Variants in LRMDA observed in about 807,000 individuals in gnomAD.
The protein encoded by LRMDA is leucine rich melanocyte differentiation associated, also known as leucine-rich melanocyte differentiation-associated protein.
Under a neutral mutation model 29.8 loss-of-function variants are expected in LRMDA, and 18 were observed. The observed-to-expected ratio is 0.60, with a 90% CI of 0.42 to 0.90. The LOEUF (loss-of-function observed/expected upper bound fraction) is 0.90, where lower values mean the gene tolerates loss of function less well. Ranked by LOEUF, LRMDA falls within the 40% of genes least tolerant of loss-of-function variation. The probability of loss-of-function intolerance (pLI) is 0.00; values close to 1 mark genes in which losing one functional copy is unlikely to be tolerated. For missense variants in LRMDA, 273 were observed against 273.9 expected (o/e 1.00, Z 0.02); for synonymous variants, 125 against 109.4 (o/e 1.14, Z -0.89).
chr10:75,880,745 T>C (rs1398147409), intron 2 of LRMDA, among the ~76,000 whole-genome samples: 3 of 152,230 alleles, frequency 2.0e-5, no homozygotes, highest in Non-Finnish European at 2.9e-5. Flanking sequence ...TTATGCTCTG[T>C]ATTTTGCTGC....
intron 2 of LRMDA, among the ~76,000 whole-genome samples, chr10:75,907,719 A>G (rs1812401496): frequency 6.6e-6 from 1 of 152,212 alleles, no homozygotes; most frequent in African/African-American, 2.4e-5. Context: ...GGGCGAAATC[A>G]TCACAGTGGC....
intron 6 of LRMDA, among the ~76,000 whole-genome samples, chr10:76,361,032 A>T (rs769883983): frequency 2.0e-5 from 3 of 152,162 alleles, no homozygotes; most frequent in African/African-American, 7.2e-5. Flanking sequence ...AGGCTGAGGC[A>T]GGTGGATCGC....
intron 5 of LRMDA, among the ~76,000 whole-genome samples, chr10:76,090,567 AT>A (rs1207762984): frequency 2.6e-5 from 4 of 152,186 alleles, no homozygotes; most frequent in Non-Finnish European, 5.9e-5. Context: ...TCTCTAAGAG[AT>A]ATTTGAACAC....
At chr10:76,117,538 T>C (rs1046906757) in intron 5 of LRMDA, among the ~76,000 whole-genome samples, 4 of 152,190 alleles carry the variant, frequency 2.6e-5, no homozygotes, top group South Asian at 4.1e-4. Flanking sequence ...AGTATATGAT[T>C]TTTGTCATGG....
intron 2 of LRMDA, among the ~76,000 whole-genome samples, chr10:75,839,863 C>T (rs529036984): frequency 4.7e-4 from 71 of 152,122 alleles, no homozygotes; most frequent in African/African-American, 1.4e-3. Context: ...CGCCCGCCAC[C>T]GCGCCCGGCT....
chr10:75,831,967 G>A (rs772529599), intron 2 of LRMDA, among the ~76,000 whole-genome samples: 8 of 152,222 alleles, frequency 5.3e-5, no homozygotes, highest in Non-Finnish European at 7.3e-5. Flanking sequence ...CCCAGCCCGT[G>A]AAACCATTTT....
At chr10:76,150,096 T>G (rs1372623444) in intron 5 of LRMDA, among the ~76,000 whole-genome samples, 1 of 152,208 alleles carries the variant, frequency 6.6e-6, no homozygotes, top group Admixed American at 6.5e-5. Context: ...AAGTTTCCTC[T>G]TAGAACTAAC....
intron 2 of LRMDA, among the ~76,000 whole-genome samples, chr10:75,610,198 G>A (rs1197510073): frequency 6.6e-6 from 1 of 152,134 alleles, no homozygotes. Flanking sequence ...TCACAAGGTG[G>A]TGCAACTGTC....
At chr10:75,981,263 A>G (rs1479708944) in intron 2 of LRMDA, among the ~76,000 whole-genome samples, 1 of 152,158 alleles carries the variant, frequency 6.6e-6, no homozygotes, top group Non-Finnish European at 1.5e-5. Flanking sequence ...GACAATTGGA[A>G]GATATGTTTT....
At chr10:75,720,816 A>C (rs1342109970) in intron 2 of LRMDA, among the ~76,000 whole-genome samples, 1 of 151,674 alleles carries the variant, frequency 6.6e-6, no homozygotes, top group Non-Finnish European at 1.5e-5. Context: ...CAATGCAGGA[A>C]GTTGGGGGAG....
At chr10:76,058,849 G>T (rs779407345) in intron 5 of LRMDA, 66 bp downstream of exon 5, 24 of 1,225,002 alleles carry the variant, frequency 2.0e-5, no homozygotes, top group Non-Finnish European at 2.5e-5. Context: ...ACACCCCAGG[G>T]CATGCAGAAT....
At chr10:75,813,609 C>G (rs747549463) in intron 2 of LRMDA, among the ~76,000 whole-genome samples, 8 of 152,126 alleles carry the variant, frequency 5.3e-5, no homozygotes, top group African/African-American at 1.4e-4. Context: ...GGGACAGATA[C>G]GCGTTACTCC....
At chr10:76,143,949 A>T (rs1339881660) in intron 5 of LRMDA, among the ~76,000 whole-genome samples, 1 of 152,188 alleles carries the variant, frequency 6.6e-6, no homozygotes, top group Non-Finnish European at 1.5e-5. Flanking sequence ...TAAATAGGGA[A>T]TCCTTTCCCC....
chr10:75,924,046 G>A (rs561487346), intron 2 of LRMDA, among the ~76,000 whole-genome samples: 15 of 152,258 alleles, frequency 9.9e-5, no homozygotes, highest in South Asian at 8.3e-4. Flanking sequence ...TCTCATTGTC[G>A]TTAGTTGGCA....
chr10:76,542,037 G>A (rs1414710885), intron 6 of LRMDA, among the ~76,000 whole-genome samples: 2 of 143,900 alleles, frequency 1.4e-5, no homozygotes, highest in Non-Finnish European at 3.0e-5. Flanking sequence ...ATACATGCAT[G>A]CATGTAGGTG....
chr10:76,225,882 C>G lies in LRMDA; in HGVS notation c.517-98519C>G, dbSNP rs538788943. ...CTAATGCTATCCCTCCCCCCTCCCC[C>G]CACCCCACAACAGCCCCCGGTGTGT... On this transcript the variant is annotated intron_variant, in intron 5 of 6. Transcript: ENST00000611255. 1.9e-4 allele frequency among the ~76,000 whole-genome samples: 24 copies of G among 127,430 alleles called. 1 individual carries two copies. In the South Asian group the frequency reaches 7.7e-3, roughly 41 times the overall value. The allele number at this position is 127,430 out of a possible 152,430, so 83.6% of individuals were successfully genotyped here. A position where few individuals can be genotyped will look rare whatever the true frequency, so the allele number is the denominator to read the frequency against.
chr10:76,152,079 C>T (rs190902167), intron 5 of LRMDA, among the ~76,000 whole-genome samples: 2 of 152,278 alleles, frequency 1.3e-5, no homozygotes, highest in African/African-American at 4.8e-5. Flanking sequence ...TGGTTTTTAG[C>T]ATATCCACAA....
chr10:75,976,028 G>A (rs568173458), intron 2 of LRMDA, among the ~76,000 whole-genome samples: 7 of 152,288 alleles, frequency 4.6e-5, no homozygotes, highest in South Asian at 2.1e-4. Context: ...CAGAGTGGGC[G>A]TTCAAATTGT....
At chr10:75,484,254 C>T (rs1308312154) in intron 2 of LRMDA, among the ~76,000 whole-genome samples, 1 of 152,084 alleles carries the variant, frequency 6.6e-6, no homozygotes, top group Admixed American at 6.5e-5. Flanking sequence ...CTGCACCTGG[C>T]CCTTCCCAGA....
Sources: gnomAD v4.1 joint callset for allele counts (sites outside exome capture counted in the v4.1 genomes callset) on GRCh38, gnomAD v4.1.1 for gene constraint, MANE v1.5 for transcripts, NCBI Gene and HGNC (gene_info 2026-07-23, HGNC 2026-07-21) for gene names.